KMT5A: variants seen among roughly 807,000 people sequenced by gnomAD.
The protein encoded by KMT5A is N-lysine methyltransferase KMT5A.
KMT5A carries 6 observed loss-of-function variants against 40.6 expected under a neutral mutation model. That is an observed-to-expected ratio of 0.15 (90% CI 0.08 to 0.29). KMT5A has a LOEUF of 0.29. Among genes scored for constraint, KMT5A ranks in the 10% least tolerant of loss-of-function variants. The probability of loss-of-function intolerance (pLI) is 1.00; values close to 1 mark genes in which losing one functional copy is unlikely to be tolerated. For synonymous variants in KMT5A, 153 were observed against 178.8 expected (o/e 0.86, Z 1.15); for missense variants, 308 against 459.1 (o/e 0.67, Z 3.01).
chr12:123,404,173 G>T (rs941180147), intron 6 of KMT5A, among the ~76,000 whole-genome samples: 2 of 152,178 alleles, frequency 1.3e-5, no homozygotes, highest in Non-Finnish European at 2.9e-5. Flanking sequence ...CCTAGATAAT[G>T]ACAATGCCCA....
At chr12:123,405,131 CA>C in intron 7 of KMT5A, 57 bp downstream of exon 7, 2 of 1,480,542 alleles carry the variant, frequency 1.4e-6, no homozygotes, top group Non-Finnish European at 1.8e-6. Flanking sequence ...GAGGAGAGGC[CA>C]AAGGGCCAGG....
chr12:123,404,958 A>G lies in KMT5A; in HGVS notation c.732A>G (p.Glu244=). 2 of 1,613,908 alleles carry G rather than the reference A, an allele frequency of 1.2e-6. No homozygotes were observed. The highest frequency in any genetic ancestry group is 1.7e-6 in the Non-Finnish European group (2 of 1,179,880). ...KQFSRGDFVV[E]YHGDLIEITD... is the part of the protein sequence containing the mutation. ...TCTCCCGGGGTGACTTTGTGGTGGA[A>G]TACCACGGGGACCTCATCGAGATCA... Residue 244 remains glutamate (E), a synonymous_variant, in exon 7 of 8, where the codon GAA becomes GAG. Coordinates refer to ENST00000402868, the MANE Select transcript of KMT5A (RefSeq NM_020382.7).
Position 123,392,787 on chromosome 12 carries a change from T to A in KMT5A, c.289+2001T>A, listed in dbSNP as rs554481679. ...GATAATGTTCACGGGCACCACACAC[T>A]CCTGGGCCTGATGTCCTGGCTTTAA... is the stretch of plus-strand genomic sequence containing the variant. On this transcript the variant is annotated intron_variant, in intron 3 of 7. Coordinates refer to ENST00000402868, the MANE Select transcript of KMT5A (RefSeq NM_020382.7). Among the ~76,000 whole-genome samples the A allele has an allele frequency of 2.6e-5, 4 of 152,298 alleles. No individual in the cohort carries two copies. In the East Asian group the frequency reaches 7.7e-4, roughly 29 times the overall value.
intron 3 of KMT5A, 121 bp from the exon 4 acceptor site, chr12:123,394,926 A>T (rs1877578389): frequency 1.1e-6 from 1 of 897,428 alleles, no homozygotes; most frequent in Non-Finnish European, 1.7e-6. Flanking sequence ...GGCCAAGGGC[A>T]CTCCTGCCTG....
At chr12:123,390,880 C>A in intron 3 of KMT5A, 94 bp downstream of exon 3, 4 of 1,413,018 alleles carry the variant, frequency 2.8e-6, no homozygotes, top group South Asian at 2.7e-5. Context: ...TTTATCCAAC[C>A]TTTTCAGTCT....
rs1346226831 is a variant in KMT5A, at chr12:123,384,182, G to A, written c.-17G>A. 3.1e-6 allele frequency: 5 copies of A among 1,613,600 alleles called. No homozygotes were observed. The African/African-American group carries it at 5.3e-5, about 17-fold the overall frequency. On this transcript the variant is annotated 5_prime_UTR_variant, in exon 1 of 8. Coordinates refer to ENST00000402868, the MANE Select transcript of KMT5A (RefSeq NM_020382.7). This position sits in a 1 kb window ranked among gnomAD's most constrained non-coding sequence, Gnocchi z 5.7. ...CTGGGTTTCCCGGGAGATCCCAGGC[G>A]GTGACAGAGTGGAGCCATGGCTAGA...
At chr12:123,397,435 G>T (rs1210971051) in intron 5 of KMT5A, among the ~76,000 whole-genome samples, 1 of 152,206 alleles carries the variant, frequency 6.6e-6, no homozygotes, top group Non-Finnish European at 1.5e-5. Context: ...CCCTCATGCG[G>T]ACTCCTTCAG....
intron 7 of KMT5A, among the ~76,000 whole-genome samples, chr12:123,405,842 C>G (rs973690514): frequency 7.2e-6 from 1 of 139,150 alleles, no homozygotes; most frequent in African/African-American, 2.7e-5. Flanking sequence ...TCTTTTGAGA[C>G]GGAGTCTCGT....
rs1035570791 is a variant in KMT5A, at chr12:123,384,800, G to T, written c.10+592G>T. Among the ~76,000 whole-genome samples, 4 of 152,216 alleles carry T rather than the reference G, an allele frequency of 2.6e-5. No individual in the cohort carries two copies. The highest frequency in any genetic ancestry group is 1.3e-4 in the Admixed American group (2 of 15,282). Reference sequence around the variant, plus strand: ...TTCCTGGCATCTCGCGGGCGCGGTCGTTCGCCCCGCATCTGGTCAGGACTT... The same window carrying T: ...TTCCTGGCATCTCGCGGGCGCGGTCTTTCGCCCCGCATCTGGTCAGGACTT... On this transcript the variant is annotated intron_variant, in intron 1 of 7. Transcript: ENST00000402868. The surrounding 1 kb of genome is among the most constrained non-coding windows in gnomAD (Gnocchi z 5.7).
At chr12:123,387,194 G>A (rs528869396) in intron 1 of KMT5A, among the ~76,000 whole-genome samples, 1 of 152,236 alleles carries the variant, frequency 6.6e-6, no homozygotes, top group South Asian at 2.1e-4. Flanking sequence ...TGCGGAGAAA[G>A]GACTGTTTTG....
intron 1 of KMT5A, among the ~76,000 whole-genome samples, chr12:123,385,134 CAAT>C (rs1876796822): frequency 6.6e-6 from 1 of 152,044 alleles, no homozygotes; most frequent in African/African-American, 2.4e-5. Context: ...CTCCCTATAG[CAAT>C]AATAATGAAT....
At position 123,384,137 on chromosome 12, in the gene KMT5A, G is replaced by A. The variant is rs1010529595; in HGVS notation, c.-62G>A. The A allele has an allele frequency of 4.4e-6, 7 of 1,605,922 alleles. No homozygotes were observed. Among genetic ancestry groups the A allele is most frequent in the East Asian group, 2.2e-5 (1 of 44,492 alleles). On this transcript the variant is annotated 5_prime_UTR_variant, in exon 1 of 8. Transcript: ENST00000402868. This position sits in a 1 kb window ranked among gnomAD's most constrained non-coding sequence, Gnocchi z 5.7. ...GCCCGGCGGAGCAGTTGGCTGAGTTGTTGCAACTTTTTTCGAAAGCTGGGT... is the reference window on the plus strand; with the variant it reads ...GCCCGGCGGAGCAGTTGGCTGAGTTATTGCAACTTTTTTCGAAAGCTGGGT...
At chr12:123,406,326 T>C (rs1878551422) in intron 7 of KMT5A, among the ~76,000 whole-genome samples, 1 of 152,140 alleles carries the variant, frequency 6.6e-6, no homozygotes, top group Non-Finnish European at 1.5e-5. Flanking sequence ...TTTATTTTAT[T>C]TTTTTGAGAT....
chr12:123,389,245 C>CA, intron 1 of KMT5A, 188 bp from the exon 2 acceptor site: 4 of 150,012 alleles, frequency 2.7e-5, no homozygotes, highest in Non-Finnish European at 5.3e-5. Context: ...CCGGGCCGGG[C>CA]GGCGGGAGGG....
chr12:123,400,948 C>G (rs1371715511), intron 5 of KMT5A, among the ~76,000 whole-genome samples: 1 of 151,810 alleles, frequency 6.6e-6, no homozygotes, highest in Non-Finnish European at 1.5e-5. Context: ...GTGTGCACCA[C>G]TATGCCCGGC....
chr12:123,398,549 A>AT (rs1471123043), intron 5 of KMT5A, among the ~76,000 whole-genome samples: 2 of 152,228 alleles, frequency 1.3e-5, no homozygotes, highest in African/African-American at 4.8e-5. Flanking sequence ...AGAAGGGAAG[A>AT]ACACACTTGC....
chr12:123,389,922 C>T (rs536310553), intron 2 of KMT5A: 47 of 382,166 alleles, frequency 1.2e-4, no homozygotes, highest in African/African-American at 9.1e-4. Context: ...CCTCCTCCGT[C>T]TGTACTTACT....
At chr12:123,387,363 AC>A (rs895572659) in intron 1 of KMT5A, among the ~76,000 whole-genome samples, 1 of 152,190 alleles carries the variant, frequency 6.6e-6, no homozygotes, top group African/African-American at 2.4e-5. Context: ...GGCTCGGTAT[AC>A]TAGAATGTGA....
At chr12:123,389,318 A>C (rs1877091341) in intron 1 of KMT5A, 115 bp from the exon 2 acceptor site, 1 of 687,112 alleles carries the variant, frequency 1.5e-6, no homozygotes, top group Non-Finnish European at 1.8e-6. Context: ...CGGGGCCTCG[A>C]AATATGGCTG....
Sources: gnomAD v4.1 joint callset for allele counts (sites outside exome capture counted in the v4.1 genomes callset) on GRCh38, gnomAD v4.1.1 for gene constraint, Gnocchi (gnomAD v3.1) non-coding constraint, MANE v1.5 for transcripts, NCBI Gene and HGNC (gene_info 2026-07-23, HGNC 2026-07-21) for gene names.